Variants in NOTCH3 observed in about 807,000 individuals in gnomAD.
The protein encoded by NOTCH3 is neurogenic locus notch homolog protein 3.
In NOTCH3, 86 loss-of-function variants were observed where a neutral mutation model predicts 213.3. The observed-to-expected ratio is 0.40, with a 90% CI of 0.34 to 0.48. The LOEUF (loss-of-function observed/expected upper bound fraction) is 0.48. Among genes scored for constraint, NOTCH3 ranks in the 20% least tolerant of loss-of-function variants. The pLI is 0.57. For missense variants in NOTCH3, 2,783 were observed against 3,272.6 expected (o/e 0.85, Z 3.65); for synonymous variants, 1,354 against 1,355.9 (o/e 1.00, Z 0.03).
rs1368023123 is a variant in NOTCH3, at chr19:15,170,707, G to A, written c.4855C>T (p.Arg1619Cys). ...DYLGALSAVE[R>C]LDFPYPLRDV... is the part of the protein sequence containing the mutation. The stretch of plus-strand genomic sequence containing the variant: ...CGCAGTGGGTACGGGAAGTCCAGGC[G>A]CTCCACCGCTGACAACGCTCCCAGG... The change falls in exon 26 of 33, where the codon CGC becomes TGC. Residue 1619 changes from arginine (R) to cysteine (C), a missense_variant. Transcript: ENST00000263388. 1 of 1,597,248 alleles carries A rather than the reference G, an allele frequency of 6.3e-7. No homozygotes were observed. Among genetic ancestry groups the A allele is most frequent in the Non-Finnish European group, 8.5e-7 (1 of 1,172,776 alleles).
rs1555726860 is a variant in NOTCH3 at position 15,174,246 on chromosome 19, G to A, written c.4558C>T (p.Pro1520Ser). ...RGVLVLTVLL[P>S]PEELLRSSAD... ...CTGGAACGCAGTAGCTCCTCTGGCG[G>A]CAGCAGCACTGTGAGCACCAGCACG... Residue 1520 changes from proline (P) to serine (S), a missense_variant, in exon 25 of 33, where the codon CCG becomes TCG. This residue lies in a region of NOTCH3 where 636 missense variants were observed against 801.8 expected (regional missense o/e 0.79). Transcript: ENST00000263388. The A allele has an allele frequency of 1.3e-6, 2 of 1,588,742 alleles. No homozygotes were observed. Among genetic ancestry groups the A allele is most frequent in the Non-Finnish European group, 1.7e-6 (2 of 1,170,730 alleles).
intron 25 of NOTCH3, among the ~76,000 whole-genome samples, chr19:15,173,801 G>A (rs890149464): frequency 7.1e-6 from 1 of 140,718 alleles, no homozygotes; most frequent in East Asian, 2.1e-4. Flanking sequence ...AGAAGAAGAA[G>A]AAGAAAAAAA....
At chr19:15,194,479 G>A (rs763856878) in intron 2 of NOTCH3, among the ~76,000 whole-genome samples, 42 of 152,304 alleles carry the variant, frequency 2.8e-4, no homozygotes, top group Admixed American at 4.6e-4. Flanking sequence ...TATTGTTCAA[G>A]CTACCCAGTT....
In NOTCH3 at chr19:15,191,463, C is replaced by G; in HGVS notation, c.997G>C (p.Val333Leu). The change falls in exon 6 of 33, where the codon GTG (valine) becomes CTG (leucine). Residue 333 changes from valine (V) to leucine (L), a missense_variant. Val to Leu is a conservative substitution (Grantham distance 32, BLOSUM62 1). Around this residue, in one of 6 missense-constraint regions of NOTCH3, gnomAD observed 708 missense variants for 906.6 expected, o/e 0.78. Coordinates refer to ENST00000263388, the MANE Select transcript of NOTCH3 (RefSeq NM_000435.3). Reference protein sequence around the residue: ...CFHGATCHDRVASFYCACPMG... With the variant: ...CFHGATCHDRLASFYCACPMG... ...GGGCAGGCACAGTAGAAAGAAGCCA[C>G]GCGGTCATGGCAGGTGGCCCCATGG... The G allele has an allele frequency of 6.2e-7, 1 of 1,613,480 alleles. No homozygotes were observed. The highest frequency in any genetic ancestry group is 1.3e-5 in the African/African-American group (1 of 75,064).
Position 15,185,364 on chromosome 19 carries a change from C to T in NOTCH3, c.2189G>A (p.Ser730Asn). Residue 730 changes from serine to asparagine, a missense_variant, in exon 14 of 33, where the codon AGC becomes AAC. Ser to Asn is a conservative substitution (Grantham distance 46). Around this residue, in one of 6 missense-constraint regions of NOTCH3, gnomAD observed 861 missense variants for 909.1 expected, o/e 0.95. Transcript: ENST00000263388. This position sits in a 1 kb window ranked among gnomAD's most constrained non-coding sequence, Gnocchi z 4.2. ...ACAGGCGTCTCGGGCCAGGCTCTGGCTGCAGCGGGGGCCACTCCAGCCAGG... is the reference window on the plus strand; with the variant it reads ...ACAGGCGTCTCGGGCCAGGCTCTGGTTGCAGCGGGGGCCACTCCAGCCAGG... ...CEPGWSGPRC[S>N]QSLARDACES... The T allele has an allele frequency of 1.2e-6, 2 of 1,612,382 alleles. No homozygotes were observed. Among genetic ancestry groups the T allele is most frequent in the Non-Finnish European group, 1.7e-6 (2 of 1,179,704 alleles).
Position 15,170,410 on chromosome 19 carries a change from C to A in NOTCH3, c.5035G>T (p.Gly1679Cys). 6.2e-7 allele frequency: 1 copy of A among 1,613,506 alleles called. No homozygotes were observed. Among genetic ancestry groups the A allele is most frequent in the Non-Finnish European group, 8.5e-7 (1 of 1,180,022 alleles). Residue 1679 changes from glycine (G) to cysteine (C), a missense_variant, in exon 27 of 33, where the codon GGC becomes TGC. Gly to Cys is a radical substitution (Grantham distance 159, BLOSUM62 -3). Coordinates refer to ENST00000263388, the MANE Select transcript of NOTCH3 (RefSeq NM_000435.3). The part of the protein sequence containing the change: ...REHSTLWFPE[G>C]FSLHKDVASG... ...GCCACGTCCTTGTGCAGTGAGAAGCCCTCAGGGAACCAGAGGGTGCTGTGC... is the reference window on the plus strand; with the variant it reads ...GCCACGTCCTTGTGCAGTGAGAAGCACTCAGGGAACCAGAGGGTGCTGTGC...
intron 24 of NOTCH3, among the ~76,000 whole-genome samples, chr19:15,174,677 G>A (rs1192810102): frequency 2.6e-5 from 4 of 151,620 alleles, no homozygotes; most frequent in Non-Finnish European, 5.9e-5. Flanking sequence ...CGGTTCCAGC[G>A]ATTCTCCCGC....
At chr19:15,166,199 A>AATG in intron 29 of NOTCH3, 108 bp from the exon 30 acceptor site, 2 of 950,826 alleles carry the variant, frequency 2.1e-6, no homozygotes, top group South Asian at 2.7e-5. Context: ...GAAAAATGAC[A>AATG]ATTAGCAGAT....
intron 28 of NOTCH3, among the ~76,000 whole-genome samples, chr19:15,168,904 C>A (rs182668395): frequency 6.6e-6 from 1 of 152,040 alleles, no homozygotes; most frequent in East Asian, 1.9e-4. Flanking sequence ...TTTCCATGTG[C>A]CTGCATTTGA....
intron 31 of NOTCH3, among the ~76,000 whole-genome samples, chr19:15,163,674 T>A (rs2046662995): frequency 6.6e-6 from 1 of 151,974 alleles, no homozygotes; most frequent in Admixed American, 6.6e-5. Flanking sequence ...CCACAAAAAA[T>A]TTAAGAATTA....
rs1472638791 is a variant in NOTCH3 at position 15,187,040 on chromosome 19, G to T, written c.1841-52C>A. On this transcript the variant is annotated intron_variant, in intron 11 of 32. Transcript: ENST00000263388. ...TGGCCACCACTGTGCCCCACTAGAT[G>T]CACCATTCCCAAACCCTCTGTGCCC... 10 of 1,606,300 alleles carry T rather than the reference G, an allele frequency of 6.2e-6. No individual in the cohort carries two copies. The South Asian group carries it at 1.1e-4, about 18-fold the overall frequency.
rs1363740955 is a variant in NOTCH3, at chr19:15,189,349, G to A, written c.1116C>T (p.Asn372=). The change falls in exon 7 of 33, where the codon AAC becomes AAT. Residue 372 remains asparagine, a synonymous_variant. Coordinates refer to ENST00000263388, the MANE Select transcript of NOTCH3 (RefSeq NM_000435.3). ...GAGGACAGGTGCAAATGGCCCGGCC[G>A]TTCACCGGATTTGTGTCACAGATAG... ...EDAICDTNPV[N]GRAICTCPPG... 7 of 1,613,964 alleles carry A rather than the reference G, an allele frequency of 4.3e-6. No individual in the cohort carries two copies. Among genetic ancestry groups the A allele is most frequent in the Middle Eastern group, 1.6e-4 (1 of 6,062 alleles).
At chr19:15,200,234 G>C (rs1329418916) in intron 1 of NOTCH3, among the ~76,000 whole-genome samples, 2 of 151,500 alleles carry the variant, frequency 1.3e-5, no homozygotes, top group Non-Finnish European at 3.0e-5. Context: ...GGGCGCGCGC[G>C]CCGCCGAGGC....
intron 28 of NOTCH3, among the ~76,000 whole-genome samples, chr19:15,169,226 CT>C (rs1422910211): frequency 3.5e-5 from 4 of 115,630 alleles, no homozygotes; most frequent in African/African-American, 1.3e-4. Context: ...CTCTCTCTCT[CT>C]CTCCCCTCTG....
At position 15,195,474 on chromosome 19, in the gene NOTCH3, C is replaced by A. The variant is rs978268523; in HGVS notation, c.197+2026G>T. On this transcript the variant is annotated intron_variant, in intron 2 of 32. Coordinates refer to ENST00000263388, the MANE Select transcript of NOTCH3 (RefSeq NM_000435.3). ...CAACCCTCACCCCCCTCTATCCCCC[C>A]ACCCTCCGCCCCTGGCGCGGTTGTC... Among the ~76,000 whole-genome samples, 14 of 151,892 alleles carry A rather than the reference C, an allele frequency of 9.2e-5. No homozygotes were observed. In the East Asian group the frequency reaches 2.1e-3, roughly 23 times the overall value.
intron 31 of NOTCH3, among the ~76,000 whole-genome samples, chr19:15,163,195 G>A (rs144296707): frequency 1.2e-4 from 19 of 152,220 alleles, no homozygotes; most frequent in South Asian, 2.1e-4. Flanking sequence ...ATGAGCCACC[G>A]TGCCCAACCT....
At chr19:15,199,922 C>G (rs1307347680) in intron 1 of NOTCH3, among the ~76,000 whole-genome samples, 3 of 152,062 alleles carry the variant, frequency 2.0e-5, no homozygotes, top group African/African-American at 7.2e-5. Context: ...GCCCCCGCAG[C>G]CCCCTCCCCG....
Position 15,178,828 on chromosome 19 carries a change from C to A in NOTCH3, c.3832G>T (p.Ala1278Ser). The A allele has an allele frequency of 6.3e-7, 1 of 1,593,168 alleles. No individual in the cohort carries two copies. The highest frequency in any genetic ancestry group is 8.6e-7 in the Non-Finnish European group (1 of 1,169,346). The change falls in exon 23 of 33, where the codon GCC (alanine) becomes TCC (serine). Residue 1278 changes from alanine to serine, a missense_variant. This residue lies in a region of NOTCH3 where 861 missense variants were observed against 909.1 expected (regional missense o/e 0.95). Transcript: ENST00000263388. Reference sequence around the variant, plus strand: ...AGGCCGCCACCCACACCTACCTGGGCACAGTGACAGGTGAAGGTCAGCCCA... The same window carrying A: ...AGGCCGCCACCCACACCTACCTGGGAACAGTGACAGGTGAAGGTCAGCCCA... ...GGGLTFTCHC[A>S]QPFWGPRCER...
chr19:15,179,424 C>T lies in NOTCH3; in HGVS notation c.3400G>A (p.Gly1134Arg), dbSNP rs2046820630. The T allele has an allele frequency of 5.0e-6, 8 of 1,614,130 alleles. 1 individual carries two copies. The highest frequency in any genetic ancestry group is 3.3e-5 in the Admixed American group (2 of 60,036). Residue 1134 changes from glycine (G) to arginine (R), a missense_variant, in exon 21 of 33, where the codon GGG becomes AGG. Gly to Arg is a moderately radical substitution (Grantham distance 125). Coordinates refer to ENST00000263388, the MANE Select transcript of NOTCH3 (RefSeq NM_000435.3). Reference sequence around the variant, plus strand: ...GCCACGAGGTCAATGCATGAACCCCCGTGCTGGCAGGGCTGGGAGGCACAC... The same window carrying T: ...GCCACGAGGTCAATGCATGAACCCCTGTGCTGGCAGGGCTGGGAGGCACAC... ...DECASQPCQH[G>R]GSCIDLVARY...
Sources: allele counts gnomAD v4.1 joint callset (sites outside exome capture counted in the v4.1 genomes callset), GRCh38; gene constraint gnomAD v4.1.1; regional missense constraint gnomAD v4.1.1; non-coding constraint Gnocchi (gnomAD v3.1); transcripts MANE v1.5; gene names NCBI Gene and HGNC (gene_info 2026-07-23, HGNC 2026-07-21).